The following MGLL variants were observed in gnomAD, a reference collection of about 807,000 sequenced individuals.
MGLL encodes the protein lysophospholipase homolog.
Under a neutral mutation model 29.1 loss-of-function variants are expected in MGLL, and 7 were observed. The observed-to-expected ratio is 0.24, with a 90% CI of 0.14 to 0.45. The LOEUF (loss-of-function observed/expected upper bound fraction) is 0.45, where lower values mean the gene tolerates loss of function less well. Ranked by LOEUF, MGLL falls within the 20% of genes least tolerant of loss-of-function variation. The probability of loss-of-function intolerance (pLI) is 0.99; values close to 1 mark genes in which losing one functional copy is unlikely to be tolerated. For missense variants in MGLL, 356 were observed against 413.6 expected (o/e 0.86, Z 1.21); for synonymous variants, 148 against 168.3 (o/e 0.88, Z 0.93).
At chr3:127,757,523 T>C (rs2076685366) in intron 3 of MGLL, among the ~76,000 whole-genome samples, 1 of 152,160 alleles carries the variant, frequency 6.6e-6, no homozygotes, top group Non-Finnish European at 1.5e-5. Context: ...AAGAAATTGA[T>C]GACTTAGCTC....
chr3:127,776,586 G>C lies in MGLL; in HGVS notation c.262+5203C>G, dbSNP rs79398584. 3.8e-3 allele frequency among the ~76,000 whole-genome samples: 581 copies of C among 152,232 alleles called. 4 individuals carry two copies. Among genetic ancestry groups the C allele is most frequent in the African/African-American group, 0.014 (566 of 41,558 alleles). On this transcript the variant is annotated intron_variant, in intron 3 of 7. Coordinates refer to ENST00000265052, the MANE Select transcript of MGLL (RefSeq NM_007283.7). ...GCCTGGAGGTGCCACACCCCTTCCT[G>C]AGCTGCGGGCCTTGTGGCGCCTCTG...
intron 3 of MGLL, among the ~76,000 whole-genome samples, chr3:127,767,173 T>G (rs374412576): frequency 1.3e-5 from 1 of 78,684 alleles, no homozygotes; most frequent in Non-Finnish European, 2.8e-5. Flanking sequence ...CATCACTCAT[T>G]ACCATCACTA....
At chr3:127,705,603 C>T (rs1309839051) in intron 6 of MGLL, among the ~76,000 whole-genome samples, 1 of 151,750 alleles carries the variant, frequency 6.6e-6, no homozygotes, top group Non-Finnish European at 1.5e-5. Context: ...ATGGAGAAAC[C>T]CCGTCTCTAC....
At chr3:127,715,633 A>T (rs556898484) in intron 5 of MGLL, 1 of 455,916 alleles carries the variant, frequency 2.2e-6, no homozygotes, top group African/African-American at 2.0e-5. Flanking sequence ...TAAGCAGAGG[A>T]AGTGGGTTGA....
chr3:127,777,916 T>C (rs2077062606), intron 3 of MGLL, among the ~76,000 whole-genome samples: 2 of 152,200 alleles, frequency 1.3e-5, no homozygotes, highest in Admixed American at 1.3e-4. Context: ...GAATCACAAT[T>C]TTCACTGCTG....
At chr3:127,769,884 C>T (rs2076920957) in intron 3 of MGLL, among the ~76,000 whole-genome samples, 1 of 152,154 alleles carries the variant, frequency 6.6e-6, no homozygotes, top group Non-Finnish European at 1.5e-5. Flanking sequence ...GAGCGGGGCT[C>T]CTGTGAGTGC....
At chr3:127,802,074 G>A (rs995762258) in intron 2 of MGLL, among the ~76,000 whole-genome samples, 1 of 152,114 alleles carries the variant, frequency 6.6e-6, no homozygotes, top group Non-Finnish European at 1.5e-5. Flanking sequence ...GTCTAGTGTG[G>A]ACCCAGAATA....
At chr3:127,720,199 A>C in intron 5 of MGLL, among the ~76,000 whole-genome samples, 1 of 152,162 alleles carries the variant, frequency 6.6e-6, no homozygotes, top group Non-Finnish European at 1.5e-5. Context: ...ATGACCTACT[A>C]TCTCACCTCT....
intron 2 of MGLL, among the ~76,000 whole-genome samples, chr3:127,795,344 T>C (rs997487770): frequency 2.0e-5 from 3 of 151,430 alleles, no homozygotes; most frequent in Non-Finnish European, 4.4e-5. Flanking sequence ...GAGCTAAGCA[T>C]TGAGTACACA....
intron 3 of MGLL, among the ~76,000 whole-genome samples, chr3:127,768,917 G>C (rs569698855): frequency 1.3e-5 from 2 of 152,332 alleles, no homozygotes; most frequent in African/African-American, 4.8e-5. Flanking sequence ...TCCCTGGGTG[G>C]TGCTGCTGCT....
At chr3:127,750,643 C>CAA (rs1392033193) in intron 3 of MGLL, among the ~76,000 whole-genome samples, 1 of 151,658 alleles carries the variant, frequency 6.6e-6, no homozygotes, top group East Asian at 1.9e-4. Context: ...GACACACACA[C>CAA]ACACACCACT....
Position 127,691,049 on chromosome 3 carries a change from G to A in MGLL, c.*1149C>T, listed in dbSNP as rs1303587450. ...CTGGGCCTCTCTTCTCCTGCCACCA[G>A]AGGTAGCTGTGCTGCTAGCACTGAC... On this transcript the variant is annotated 3_prime_UTR_variant, in exon 8 of 8. Transcript: ENST00000265052. The A allele has an allele frequency of 6.5e-6, 1 of 153,060 alleles. No individual in the cohort carries two copies. The highest frequency in any genetic ancestry group is 1.9e-4 in the East Asian group (1 of 5,202). The allele number at this position is 153,060 out of a possible 1,614,324, so 9.5% of individuals were successfully genotyped here.
chr3:127,758,233 C>T (rs1425768767), intron 3 of MGLL, among the ~76,000 whole-genome samples: 5 of 152,190 alleles, frequency 3.3e-5, no homozygotes, highest in Non-Finnish European at 7.3e-5. Context: ...GAGCATGGCC[C>T]CCTGCCCCCA....
chr3:127,817,360 C>A (rs771614906), intron 2 of MGLL, among the ~76,000 whole-genome samples: 12 of 152,156 alleles, frequency 7.9e-5, no homozygotes, highest in Non-Finnish European at 1.6e-4. Flanking sequence ...TCCTTCAATA[C>A]ACCAGTTTTT....
chr3:127,781,674 A>T, intron 3 of MGLL, 115 bp downstream of exon 3: 1 of 995,416 alleles, frequency 1.0e-6, no homozygotes, highest in East Asian at 2.4e-5. Flanking sequence ...TTACTTTGAA[A>T]CATCCGTGGG....
intron 3 of MGLL, among the ~76,000 whole-genome samples, chr3:127,752,969 T>C (rs1224026653): frequency 1.3e-5 from 2 of 152,204 alleles, no homozygotes; most frequent in Non-Finnish European, 2.9e-5. Context: ...TGTTGTGCCC[T>C]TGATTGATTT....
chr3:127,755,520 G>C (rs769748499), intron 3 of MGLL, among the ~76,000 whole-genome samples: 1 of 152,160 alleles, frequency 6.6e-6, no homozygotes, highest in Non-Finnish European at 1.5e-5. Flanking sequence ...ATGCGTGTGG[G>C]TGGGAGGTGC....
At chr3:127,725,254 G>A (rs966288657) in intron 3 of MGLL, among the ~76,000 whole-genome samples, 1 of 152,146 alleles carries the variant, frequency 6.6e-6, no homozygotes, top group Non-Finnish European at 1.5e-5. Context: ...TCATCTGGCT[G>A]TGTTTTCTTT....
chr3:127,702,479 C>A (rs888791471), intron 6 of MGLL, among the ~76,000 whole-genome samples: 1 of 152,198 alleles, frequency 6.6e-6, no homozygotes, highest in Non-Finnish European at 1.5e-5. Flanking sequence ...GGCTGAAATT[C>A]CTGAACCAGA....
Sources: gnomAD v4.1 joint callset for allele counts (sites outside exome capture counted in the v4.1 genomes callset) on GRCh38, gnomAD v4.1.1 for gene constraint, MANE v1.5 for transcripts, NCBI Gene and HGNC (gene_info 2026-07-23, HGNC 2026-07-21) for gene names.